The following ESR1 variants were observed in gnomAD, a reference collection of about 807,000 sequenced individuals.
ESR1 encodes estrogen receptor 1.
ESR1 carries 12 observed loss-of-function variants against 52.7 expected under a neutral mutation model. That is an observed-to-expected ratio of 0.23 (90% CI 0.15 to 0.37). ESR1 has a LOEUF of 0.37. Among genes scored for constraint, ESR1 ranks in the 10% least tolerant of loss-of-function variants. The pLI is 1.00. For synonymous variants in ESR1, 305 were observed against 316.8 expected (o/e 0.96, Z 0.39); for missense variants, 584 against 779.7 (o/e 0.75, Z 2.99).
intron 5 of ESR1, among the ~76,000 whole-genome samples, chr6:152,055,615 G>A (rs568583986): frequency 6.6e-6 from 1 of 152,036 alleles, no homozygotes; most frequent in South Asian, 2.1e-4. Context: ...CTTTGATCTT[G>A]CTCCATTCCC....
chr6:152,095,459 C>T (rs2152498751), intron 7 of ESR1, among the ~76,000 whole-genome samples: 1 of 152,336 alleles, frequency 6.6e-6, no homozygotes, highest in South Asian at 2.1e-4. Context: ...GGTGACTCTG[C>T]TCTATGCCTC....
chr6:152,010,344 AC>A (rs2042663401), intron 4 of ESR1, among the ~76,000 whole-genome samples: 1 of 152,124 alleles, frequency 6.6e-6, no homozygotes, highest in East Asian at 1.9e-4. Flanking sequence ...TTTCATCAAC[AC>A]AAGTATAGCT....
At chr6:151,843,016 G>A (rs1044660127) in intron 2 of ESR1, among the ~76,000 whole-genome samples, 5 of 152,146 alleles carry the variant, frequency 3.3e-5, no homozygotes, top group African/African-American at 1.2e-4. Flanking sequence ...CCTTCCTTTG[G>A]CAAGACTCAA....
intron 5 of ESR1, among the ~76,000 whole-genome samples, chr6:152,026,291 T>C (rs1307081208): frequency 6.6e-6 from 1 of 152,088 alleles, no homozygotes; most frequent in Non-Finnish European, 1.5e-5. Flanking sequence ...TTATGTTTGC[T>C]TTCTCTTTAT....
chr6:151,908,688 G>C (rs1184769450), intron 3 of ESR1, among the ~76,000 whole-genome samples: 1 of 152,040 alleles, frequency 6.6e-6, no homozygotes, highest in Non-Finnish European at 1.5e-5. Context: ...CTGTATCAAA[G>C]TTTCTTTTGA....
At chr6:151,709,739 ATT>A (rs988880868) in intron 2 of ESR1, among the ~76,000 whole-genome samples, 3 of 144,938 alleles carry the variant, frequency 2.1e-5, no homozygotes, top group Admixed American at 1.4e-4. Flanking sequence ...TTTTCTATAG[ATT>A]TTTTTTTTTT....
intron 2 of ESR1, among the ~76,000 whole-genome samples, chr6:151,793,170 CA>C (rs374347435): frequency 0.012 from 1,320 of 109,154 alleles, 9 homozygotes; most frequent in African/African-American, 0.025. Flanking sequence ...GACTCTATCT[CA>C]AAAAAAAAAA....
Position 151,879,508 on chromosome 6 carries a change from T to C in ESR1, c.644-1147T>C, listed in dbSNP as rs371261703. Reference sequence around the variant, plus strand: ...GCATGTGGGGCAAGGGAGACTCTTTTATGGGACAGTCTCGCATGTGATCAA... The same window carrying C: ...GCATGTGGGGCAAGGGAGACTCTTTCATGGGACAGTCTCGCATGTGATCAA... On this transcript the variant is annotated intron_variant, in intron 2 of 7. Transcript: ENST00000206249. Among the ~76,000 whole-genome samples the C allele has an allele frequency of 6.6e-5, 10 of 152,076 alleles. 1 individual carries two copies. The East Asian group carries it at 9.7e-4, about 15-fold the overall frequency.
At chr6:151,663,430 C>T (rs531515569) in intron 1 of ESR1, among the ~76,000 whole-genome samples, 43 of 152,320 alleles carry the variant, frequency 2.8e-4, no homozygotes, top group East Asian at 1.2e-3. Flanking sequence ...TTAGTAAGAA[C>T]TTGACTAGCA....
intron 4 of ESR1, among the ~76,000 whole-genome samples, chr6:151,993,901 G>A (rs2041249835): frequency 1.3e-5 from 2 of 152,142 alleles, no homozygotes; most frequent in Non-Finnish European, 2.9e-5. Flanking sequence ...GAAGCAGTAT[G>A]AGGAATTCTA....
chr6:151,888,292 T>A (rs1794185606), intron 3 of ESR1, among the ~76,000 whole-genome samples: 1 of 152,222 alleles, frequency 6.6e-6, no homozygotes, highest in Non-Finnish European at 1.5e-5. Context: ...ATTCTTCCAG[T>A]CTATGTATGG....
intron 4 of ESR1, among the ~76,000 whole-genome samples, chr6:151,992,581 A>C (rs1300167513): frequency 6.6e-6 from 1 of 152,162 alleles, no homozygotes; most frequent in African/African-American, 2.4e-5. Context: ...GTCATATTCT[A>C]GGGACACTCA....
chr6:152,024,736 T>C (rs928171131), intron 5 of ESR1, among the ~76,000 whole-genome samples: 4 of 147,994 alleles, frequency 2.7e-5, no homozygotes, highest in Non-Finnish European at 6.0e-5. Flanking sequence ...AATATATACA[T>C]GTATTGTATT....
intron 2 of ESR1, among the ~76,000 whole-genome samples, chr6:151,771,878 A>C (rs1184376476): frequency 1.3e-5 from 2 of 150,974 alleles, no homozygotes; most frequent in African/African-American, 4.8e-5. Context: ...GGGGAGTAAG[A>C]AATTACTTGG....
chr6:152,051,302 C>T (rs2046658134), intron 5 of ESR1, among the ~76,000 whole-genome samples: 2 of 152,172 alleles, frequency 1.3e-5, no homozygotes, highest in Admixed American at 1.3e-4. Flanking sequence ...CTGCCTTGAG[C>T]CACATCCACT....
intron 2 of ESR1, among the ~76,000 whole-genome samples, chr6:151,752,110 C>A (rs529141917): frequency 1.3e-5 from 2 of 152,068 alleles, no homozygotes; most frequent in East Asian, 3.9e-4. Flanking sequence ...TGCGTGCTGG[C>A]GAGGAAGCCC....
In ESR1 at chr6:151,841,614, T is replaced by A. The variant is rs9340796; in HGVS notation, c.453-983T>A. Among the ~76,000 whole-genome samples the A allele has an allele frequency of 1.7e-4, 26 of 152,314 alleles. No homozygotes were observed. The South Asian group carries it at 4.6e-3, about 27-fold the overall frequency. On this transcript the variant is annotated intron_variant, in intron 1 of 7. Transcript: ENST00000206249. ...CTTCCTACATTTTTTTTTAGCTTTC[T>A]ACTTTCTTAAAGCATTTTACTTCCT...
At chr6:151,942,796 TA>T in intron 3 of ESR1, among the ~76,000 whole-genome samples, 1 of 152,310 alleles carries the variant, frequency 6.6e-6, no homozygotes, top group Middle Eastern at 3.4e-3. Flanking sequence ...TCTTTGATAT[TA>T]AAAATAGTTG....
intron 4 of ESR1, among the ~76,000 whole-genome samples, chr6:151,953,554 C>T (rs1186697667): frequency 6.6e-6 from 1 of 152,066 alleles, no homozygotes; most frequent in African/African-American, 2.4e-5. Flanking sequence ...AACCCTGTCT[C>T]TACTAAAAAT....
Sources: allele counts gnomAD v4.1 joint callset (sites outside exome capture counted in the v4.1 genomes callset), GRCh38; gene constraint gnomAD v4.1.1; transcripts MANE v1.5; gene names NCBI Gene and HGNC (gene_info 2026-07-23, HGNC 2026-07-21).